NDST4: variants seen among roughly 807,000 people sequenced by gnomAD.
The protein encoded by NDST4 is N-heparan sulfate sulfotransferase 4.
In NDST4, 63 loss-of-function variants were observed where a neutral mutation model predicts 100.8. The observed-to-expected ratio is 0.62, with a 90% CI of 0.51 to 0.77. NDST4 has a LOEUF of 0.77. Among genes scored for constraint, NDST4 ranks in the 30% least tolerant of loss-of-function variants. NDST4 has a pLI of 0.00. For synonymous variants in NDST4, 377 were observed against 361.8 expected (o/e 1.04, Z -0.48); for missense variants, 943 against 1,018.4 (o/e 0.93, Z 1.01).
At chr4:114,842,054 C>T (rs1723437556) in intron 10 of NDST4, among the ~76,000 whole-genome samples, 1 of 152,106 alleles carries the variant, frequency 6.6e-6, no homozygotes, top group Non-Finnish European at 1.5e-5. Flanking sequence ...TTTGTATATG[C>T]ACTAAATTCG....
intron 4 of NDST4, among the ~76,000 whole-genome samples, chr4:114,966,017 A>T (rs1726372457): frequency 6.6e-6 from 1 of 151,994 alleles, no homozygotes; most frequent in Admixed American, 6.6e-5. Context: ...AAGATCTATG[A>T]GTTATTGAAG....
intron 6 of NDST4, among the ~76,000 whole-genome samples, chr4:114,893,472 G>C (rs748234064): frequency 6.6e-6 from 1 of 152,066 alleles, no homozygotes; most frequent in Non-Finnish European, 1.5e-5. Flanking sequence ...TTGTGGTTTT[G>C]ATTTGCATTT....
chr4:115,048,170 T>C (rs529432545), intron 2 of NDST4, among the ~76,000 whole-genome samples: 1 of 152,146 alleles, frequency 6.6e-6, no homozygotes, highest in Admixed American at 6.5e-5. Context: ...AGGTTTTTAA[T>C]TTTGTTTTGT....
chr4:114,920,560 T>C (rs1404951832), intron 6 of NDST4, among the ~76,000 whole-genome samples: 1 of 152,202 alleles, frequency 6.6e-6, no homozygotes, highest in Non-Finnish European at 1.5e-5. Flanking sequence ...AAGTGGCAAC[T>C]ATAAATCAAG....
rs1560863073 is a variant in NDST4 at position 115,021,197 on chromosome 4, GTATATATATTCCATATA to G, written c.979-43940_979-43924del. On this transcript the variant is annotated intron_variant, in intron 2 of 13. Coordinates refer to ENST00000264363, the MANE Select transcript of NDST4 (RefSeq NM_022569.3). ...TCAGTGAGTGAATAAAGAAACTGTG[GTATATATATTCCATATA>G]TATATATATTCCACATATATATATT... 5.5e-3 allele frequency among the ~76,000 whole-genome samples: 811 copies of G among 147,592 alleles called. 10 individuals carry two copies. Among genetic ancestry groups the G allele is most frequent in the African/African-American group, 0.018 (724 of 39,470 alleles).
At chr4:115,090,787 G>A (rs571904391) in intron 1 of NDST4, among the ~76,000 whole-genome samples, 1 of 152,132 alleles carries the variant, frequency 6.6e-6, no homozygotes, top group South Asian at 2.1e-4. Flanking sequence ...TAAGTCCAGG[G>A]AGTATAGGTA....
intron 6 of NDST4, among the ~76,000 whole-genome samples, chr4:114,930,793 A>C (rs1725495738): frequency 6.6e-6 from 1 of 152,264 alleles, no homozygotes; most frequent in East Asian, 1.9e-4. Flanking sequence ...AAGCTGAAAT[A>C]ATCACAATAT....
At chr4:115,080,401 T>G (rs1333638253) in intron 1 of NDST4, among the ~76,000 whole-genome samples, 2 of 152,182 alleles carry the variant, frequency 1.3e-5, no homozygotes, top group Non-Finnish European at 2.9e-5. Context: ...CCTCCCAAAA[T>G]GCTGGGATTG....
chr4:114,909,662 T>C, intron 6 of NDST4, among the ~76,000 whole-genome samples: 1 of 87,840 alleles, frequency 1.1e-5, no homozygotes, highest in East Asian at 2.4e-4. Context: ...AGAGCGAGAC[T>C]CCGTCTCAAA....
intron 7 of NDST4, among the ~76,000 whole-genome samples, chr4:114,853,344 C>G (rs1312464095): frequency 6.6e-6 from 1 of 152,098 alleles, no homozygotes; most frequent in Non-Finnish European, 1.5e-5. Context: ...CCTCTACCTC[C>G]CTCCTGAGCT....
chr4:114,886,809 C>T (rs953850053), intron 6 of NDST4, among the ~76,000 whole-genome samples: 2 of 152,082 alleles, frequency 1.3e-5, no homozygotes, highest in Non-Finnish European at 2.9e-5. Context: ...ATTCTGGTCT[C>T]CTAATCTCCT....
At chr4:114,998,979 A>T (rs528077908) in intron 2 of NDST4, among the ~76,000 whole-genome samples, 2 of 152,186 alleles carry the variant, frequency 1.3e-5, no homozygotes, top group African/African-American at 4.8e-5. Flanking sequence ...TCATATCATA[A>T]TCACACAAGA....
intron 4 of NDST4, among the ~76,000 whole-genome samples, chr4:114,955,428 G>T (rs1477138007): frequency 6.6e-6 from 1 of 152,196 alleles, no homozygotes; most frequent in Non-Finnish European, 1.5e-5. Context: ...GTTGCTAGGG[G>T]CTTGTGGGCT....
At chr4:115,067,407 T>C (rs921380007) in intron 2 of NDST4, among the ~76,000 whole-genome samples, 2 of 152,178 alleles carry the variant, frequency 1.3e-5, no homozygotes, top group South Asian at 2.1e-4. Context: ...TCATAAAATA[T>C]AGAAAAGTAA....
At chr4:115,084,808 T>G (rs138165631) in intron 1 of NDST4, among the ~76,000 whole-genome samples, 193 of 152,272 alleles carry the variant, frequency 1.3e-3, no homozygotes, top group African/African-American at 4.4e-3. Context: ...AAAAGTTTGA[T>G]GCAGGGGCAG....
chr4:115,060,810 T>G (rs1033021177), intron 2 of NDST4, among the ~76,000 whole-genome samples: 2 of 152,022 alleles, frequency 1.3e-5, no homozygotes, highest in Non-Finnish European at 2.9e-5. Flanking sequence ...ATGGCATTTA[T>G]AAATATTTAA....
intron 6 of NDST4, among the ~76,000 whole-genome samples, chr4:114,931,818 C>T (rs1432270554): frequency 6.6e-6 from 1 of 151,328 alleles, no homozygotes; most frequent in Non-Finnish European, 1.5e-5. Context: ...CTGAACAGAC[C>T]AATAACGAGT....
chr4:114,923,496 C>T (rs1725328677), intron 6 of NDST4, among the ~76,000 whole-genome samples: 1 of 151,864 alleles, frequency 6.6e-6, no homozygotes, highest in African/African-American at 2.4e-5. Flanking sequence ...AGAGTGAAAC[C>T]TCACAAACAA....
At chr4:114,836,037 C>T (rs1164802887) in intron 11 of NDST4, among the ~76,000 whole-genome samples, 3 of 152,202 alleles carry the variant, frequency 2.0e-5, no homozygotes, top group African/African-American at 7.2e-5. Flanking sequence ...CTGAATACAG[C>T]ATACCAGTGG....
Sources: gnomAD v4.1 joint callset for allele counts (sites outside exome capture counted in the v4.1 genomes callset) on GRCh38, gnomAD v4.1.1 for gene constraint, MANE v1.5 for transcripts, NCBI Gene and HGNC (gene_info 2026-07-23, HGNC 2026-07-21) for gene names.